The following ELF2 variants were observed in gnomAD, a reference collection of about 807,000 sequenced individuals.
ELF2 encodes ETS-related transcription factor Elf-2.
In ELF2, 11 loss-of-function variants were observed where a neutral mutation model predicts 54.8. The ratio of observed to expected loss-of-function variants is 0.20; its 90% CI spans 0.13 to 0.33. The LOEUF is 0.33. ELF2 is among the 10% of genes least tolerant of loss of function. ELF2 has a pLI of 1.00. For synonymous variants in ELF2, 203 were observed against 245.1 expected (o/e 0.83, Z 1.61); for missense variants, 513 against 703.0 (o/e 0.73, Z 3.06).
At chr4:139,132,806 A>T (rs10857271) in intron 3 of ELF2, among the ~76,000 whole-genome samples, 1 of 145,276 alleles carries the variant, frequency 6.9e-6, no homozygotes, top group Non-Finnish European at 1.5e-5. Flanking sequence ...TAATTTTGCA[A>T]GTACTCAATT....
In ELF2 at chr4:139,058,416, T is replaced by C. The variant is rs1005113604; in HGVS notation, c.*567A>G. On this transcript the variant is annotated 3_prime_UTR_variant, in exon 10 of 10. Coordinates refer to ENST00000686138, the MANE Select transcript of ELF2 (RefSeq NM_001331036.3). ...ATATATATATATGTATGTATATATA[T>C]ATATATATATATATAAAATCGCACT... is the stretch of plus-strand genomic sequence containing the variant. The C allele has an allele frequency of 1.3e-5, 2 of 148,312 alleles. No homozygotes were observed. The highest frequency in any genetic ancestry group is 6.8e-5 in the Admixed American group (1 of 14,790). The allele number at this position is 148,312 out of a possible 1,614,324, so 9.2% of individuals were successfully genotyped here. A position where few individuals can be genotyped will look rare whatever the true frequency, so the allele number is the denominator to read the frequency against.
intron 6 of ELF2, among the ~76,000 whole-genome samples, chr4:139,068,228 G>T (rs764781905): frequency 6.6e-6 from 1 of 152,142 alleles, no homozygotes; most frequent in Non-Finnish European, 1.5e-5. Flanking sequence ...CACCGTATTA[G>T]CCAGATGGTC....
intron 4 of ELF2, among the ~76,000 whole-genome samples, chr4:139,118,611 T>G (rs1468537853): frequency 1.3e-5 from 2 of 150,864 alleles, no homozygotes; most frequent in Non-Finnish European, 2.9e-5. Context: ...GAATGATAAA[T>G]GGAGATGCCA....
chr4:139,065,353 T>C (rs1040935163), intron 7 of ELF2, among the ~76,000 whole-genome samples: 3 of 152,138 alleles, frequency 2.0e-5, no homozygotes, highest in Non-Finnish European at 4.4e-5. Flanking sequence ...GGTATGTGCC[T>C]GTGGTCCCAG....
At chr4:139,097,810 T>G (rs929037886) in intron 4 of ELF2, among the ~76,000 whole-genome samples, 6 of 152,146 alleles carry the variant, frequency 3.9e-5, no homozygotes, top group African/African-American at 1.4e-4. Context: ...ATTTTCTTTT[T>G]AGAGAGAAGG....
At chr4:139,117,493 A>G (rs1735853206) in intron 4 of ELF2, among the ~76,000 whole-genome samples, 1 of 152,034 alleles carries the variant, frequency 6.6e-6, no homozygotes, top group African/African-American at 2.4e-5. Flanking sequence ...CAGGAGTTCG[A>G]GATCAGCCTG....
chr4:139,066,009 CTTTTTTTTTTTTTT>C (rs372715360), intron 7 of ELF2: 1 of 105,710 alleles, frequency 9.5e-6, no homozygotes. Flanking sequence ...TCAATGTCAC[CTTTTTTTTTTTTTT>C]TTTTTTTTTT....
At chr4:139,173,396 T>G (rs900651297) in intron 1 of ELF2, among the ~76,000 whole-genome samples, 2 of 152,048 alleles carry the variant, frequency 1.3e-5, no homozygotes, top group African/African-American at 4.8e-5. Flanking sequence ...AACTTAAATG[T>G]CCATCAACTG....
chr4:139,113,311 T>C (rs1735174881), intron 4 of ELF2, among the ~76,000 whole-genome samples: 1 of 152,130 alleles, frequency 6.6e-6, no homozygotes, highest in Non-Finnish European at 1.5e-5. Flanking sequence ...TGAGCCATGA[T>C]CATACCACTG....
chr4:139,096,266 T>C (rs1733280626), intron 4 of ELF2, among the ~76,000 whole-genome samples: 1 of 152,266 alleles, frequency 6.6e-6, no homozygotes, highest in South Asian at 2.1e-4. Flanking sequence ...TCTTTTGTGA[T>C]AGTTTATATA....
At chr4:139,066,446 A>G (rs1043929398) in intron 7 of ELF2, 1 of 151,980 alleles carries the variant, frequency 6.6e-6, no homozygotes, top group African/African-American at 2.4e-5. Context: ...TGTTTCTACA[A>G]AAGATTTTAA....
intron 1 of ELF2, among the ~76,000 whole-genome samples, chr4:139,166,186 A>C (rs2148909327): frequency 6.6e-6 from 1 of 152,256 alleles, no homozygotes; most frequent in South Asian, 2.1e-4. Flanking sequence ...TTTAGTCTTT[A>C]GTCTCTGGTC....
In ELF2 at chr4:139,139,881, G is replaced by A. The variant is rs75413296; in HGVS notation, c.-251-384C>T. ...CTGCTCCCCAGGAGTATAAAATCAA[G>A]TTTGAAAAATAGGACTAGCCCAAAA... On this transcript the variant is annotated intron_variant, in intron 1 of 9. Transcript: ENST00000686138. 9.9e-3 allele frequency among the ~76,000 whole-genome samples: 1,506 copies of A among 151,950 alleles called. 22 individuals carry two copies. Among genetic ancestry groups the A allele is most frequent in the African/African-American group, 0.035 (1,447 of 41,438 alleles).
intron 4 of ELF2, among the ~76,000 whole-genome samples, chr4:139,074,495 G>A (rs963354465): frequency 3.3e-5 from 5 of 151,968 alleles, no homozygotes; most frequent in Admixed American, 3.3e-4. Flanking sequence ...GGCCGGGTGT[G>A]GTGGCTCACA....
Position 139,139,466 on chromosome 4 carries a change from G to A in ELF2, c.-220C>T, listed in dbSNP as rs557950740. ...CTTCACTATTTTCACAACTTGGGAA[G>A]AGCTAAAATCTGAACCAGTAGTTCT... On this transcript the variant is annotated 5_prime_UTR_variant, in exon 2 of 10. Transcript: ENST00000686138. The A allele has an allele frequency of 1.9e-4, 235 of 1,229,832 alleles. 1 individual carries two copies. In the South Asian group the frequency reaches 3.3e-3, roughly 17 times the overall value. The allele number at this position is 1,229,832 out of a possible 1,614,324, so 76.2% of individuals were successfully genotyped here. A position where few individuals can be genotyped will look rare whatever the true frequency, so the allele number is the denominator to read the frequency against.
At chr4:139,109,491 T>C (rs1330627913) in intron 4 of ELF2, among the ~76,000 whole-genome samples, 2 of 152,216 alleles carry the variant, frequency 1.3e-5, no homozygotes, top group Non-Finnish European at 2.9e-5. Context: ...AAGGCTGTTC[T>C]ATAAGACATT....
chr4:139,170,622 T>C (rs1578990371), intron 1 of ELF2, among the ~76,000 whole-genome samples: 1 of 150,540 alleles, frequency 6.6e-6, no homozygotes. Flanking sequence ...TGGCAGATCA[T>C]GTATCTACTA....
intron 9 of ELF2, 56 bp from the exon 10 acceptor site, chr4:139,059,663 G>A (rs1727530513): frequency 6.5e-7 from 1 of 1,547,048 alleles, no homozygotes; most frequent in South Asian, 1.2e-5. Context: ...GAGAAAATAG[G>A]TCTCCTGAGT....
intron 7 of ELF2, chr4:139,067,216 A>G (rs536533290): frequency 6.6e-6 from 1 of 152,606 alleles, no homozygotes; most frequent in East Asian, 1.9e-4. Context: ...ACTTAAGACC[A>G]GGAGGTCAAG....
Sources: gnomAD v4.1 joint callset for allele counts (sites outside exome capture counted in the v4.1 genomes callset) on GRCh38, gnomAD v4.1.1 for gene constraint, MANE v1.5 for transcripts, NCBI Gene and HGNC (gene_info 2026-07-23, HGNC 2026-07-21) for gene names.